TNRC18: variants seen among roughly 807,000 people sequenced by gnomAD.
TNRC18 encodes the protein trinucleotide repeat-containing gene 18 protein.
Under a neutral mutation model 226.7 loss-of-function variants are expected in TNRC18, and 69 were observed. The ratio of observed to expected loss-of-function variants is 0.30; its 90% CI spans 0.25 to 0.37. The LOEUF is 0.37. Ranked by LOEUF, TNRC18 falls within the 10% of genes least tolerant of loss-of-function variation. The pLI is 1.00. For missense variants in TNRC18, 4,754 were observed against 4,256.6 expected, an observed-to-expected ratio of 1.12 and a Z score of -3.25; for synonymous variants, 2,449 against 1,927.6, an observed-to-expected ratio of 1.27 and a Z score of -7.09.
In TNRC18 at chr7:5,378,020, G is replaced by A. The variant is rs777162412; in HGVS notation, c.2157C>T (p.His719=). 24 of 1,608,970 alleles carry A rather than the reference G, an allele frequency of 1.5e-5. No homozygotes were observed. The highest frequency in any genetic ancestry group is 8.8e-5 in the South Asian group (8 of 90,970). The part of the protein sequence containing the change: ...RSLSLSNVKG[H]GRADEDCVDD... ...CCACACAGTCCTCATCTGCTCGGCC[G>A]TGCCCTGCAGGGGGCCAGGTGGAAG... The change falls in exon 6 of 30, where the codon CAC becomes CAT. Residue 719 remains histidine (H), a synonymous_variant. Transcript: ENST00000430969.
chr7:5,393,349 G>A (rs1012154317), intron 3 of TNRC18, among the ~76,000 whole-genome samples: 2 of 152,258 alleles, frequency 1.3e-5, no homozygotes, highest in Admixed American at 1.3e-4. Flanking sequence ...AGGAAGAGCA[G>A]ACTCGCTGAC....
At chr7:5,414,671 C>CA (rs1239683885) in intron 2 of TNRC18, among the ~76,000 whole-genome samples, 1 of 152,210 alleles carries the variant, frequency 6.6e-6, no homozygotes, top group East Asian at 1.9e-4. Context: ...CTCAGCCTCC[C>CA]AAAGTACTGG....
intron 3 of TNRC18, among the ~76,000 whole-genome samples, chr7:5,391,934 G>T (rs1298537188): frequency 6.6e-6 from 1 of 151,450 alleles, no homozygotes; most frequent in Non-Finnish European, 1.5e-5. Context: ...CTGGGTAAGG[G>T]TCCTGATTCT....
At position 5,309,243 on chromosome 7, in the gene TNRC18, G is replaced by A. The variant is rs372324334; in HGVS notation, c.8514C>T (p.Ile2838=). The change falls in exon 28 of 30, where the codon ATC becomes ATT. Residue 2838 remains isoleucine, a synonymous_variant. Coordinates refer to ENST00000430969, the MANE Select transcript of TNRC18 (RefSeq NM_001080495.3). The surrounding 1 kb of genome is among the most constrained non-coding windows in gnomAD (Gnocchi z 5.7). ...ACTCCCACATGCTCTGGATGCGGCC[G>A]ATGTAGGGCAGGTTGGGGCGGCCGG... The part of the protein sequence containing the change: ...LSAGRPNLPY[I]GRIQSMWESW... The A allele has an allele frequency of 2.4e-5, 38 of 1,613,752 alleles. No individual in the cohort carries two copies. The highest frequency in any genetic ancestry group is 1.5e-4 in the African/African-American group (11 of 74,936).
chr7:5,367,227 T>G (rs1793705871), intron 11 of TNRC18, among the ~76,000 whole-genome samples: 1 of 151,880 alleles, frequency 6.6e-6, no homozygotes, highest in Non-Finnish European at 1.5e-5. Flanking sequence ...TAGCTGGATG[T>G]GGTAGCATGT....
rs903214902 is a variant in TNRC18 at position 5,324,027 on chromosome 7, G to A, written c.6442+187C>T. ...GGGCCGCTCTCTTGCCTCATCTGCA[G>A]TTGACTAAGCTGCAGCCAGTCCAGC... On this transcript the variant is annotated intron_variant, in intron 21 of 29. Transcript: ENST00000430969. This position sits in a 1 kb window ranked among gnomAD's most constrained non-coding sequence, Gnocchi z 4.8. 5.9e-5 allele frequency among the ~76,000 whole-genome samples: 9 copies of A among 152,232 alleles called. No individual in the cohort carries two copies. The highest frequency in any genetic ancestry group is 1.3e-4 in the Non-Finnish European group (9 of 68,046).
At chr7:5,344,303 G>A (rs1177075620) in intron 18 of TNRC18, among the ~76,000 whole-genome samples, 9 of 152,196 alleles carry the variant, frequency 5.9e-5, no homozygotes, top group Non-Finnish European at 1.0e-4. Context: ...CCATTTGGAG[G>A]TTCTGGGCAG....
chr7:5,389,028 G>T lies in TNRC18; in HGVS notation c.796C>A (p.Leu266Met). The part of the protein sequence containing the change: ...PRLAERLSPF[L>M]AESKTKNAAL... ...GCATTCTTGGTCTTGGACTCAGCCAGGAAGGGCGACAGGCGCTCAGCCAGG... is the reference window on the plus strand; with the variant it reads ...GCATTCTTGGTCTTGGACTCAGCCATGAAGGGCGACAGGCGCTCAGCCAGG... Residue 266 changes from leucine to methionine, a missense_variant, in exon 5 of 30, where the codon CTG becomes ATG. Physicochemically the swap from Leu to Met is conservative, Grantham distance 15. Coordinates refer to ENST00000430969, the MANE Select transcript of TNRC18 (RefSeq NM_001080495.3). The T allele has an allele frequency of 7.6e-7, 1 of 1,318,092 alleles. No homozygotes were observed. 81.6% of individuals were successfully genotyped at this position (1,318,092 alleles called of 1,614,324 possible). A position where few individuals can be genotyped will look rare whatever the true frequency, so the allele number is the denominator to read the frequency against.
rs769393393 is a variant in TNRC18, at chr7:5,376,258, G to A, written c.2609-34C>T. The A allele has an allele frequency of 8.4e-6, 12 of 1,425,350 alleles. No individual in the cohort carries two copies. The Middle Eastern group carries it at 5.5e-4, about 65-fold the overall frequency. 88.3% of individuals were successfully genotyped at this position (1,425,350 alleles called of 1,614,324 possible). A position where few individuals can be genotyped will look rare whatever the true frequency, so the allele number is the denominator to read the frequency against. On this transcript the variant is annotated intron_variant, in intron 8 of 29. Coordinates refer to ENST00000430969, the MANE Select transcript of TNRC18 (RefSeq NM_001080495.3). The stretch of plus-strand genomic sequence containing the variant: ...ACAGAGACAGTGCGCTGCACCTGCG[G>A]CCTGATGCTCCACCACCATGCCCAT...
intron 18 of TNRC18, among the ~76,000 whole-genome samples, chr7:5,333,345 T>A (rs1282255823): frequency 1.3e-5 from 2 of 152,096 alleles, no homozygotes; most frequent in African/African-American, 4.8e-5. Context: ...CTTGTGGAAA[T>A]CCCAGAAGCC....
At position 5,383,957 on chromosome 7, in the gene TNRC18, A is replaced by ATTTTTT. The variant is rs765430615; in HGVS notation, c.2152+3709_2152+3714dup. On this transcript the variant is annotated intron_variant, in intron 5 of 29. Transcript: ENST00000430969. ...ACAGGCACACCAGCATACCCGGGTG[A>ATTTTTT]TTTTTTTTTTTTTTTTTTTTTTTTT... is the stretch of plus-strand genomic sequence containing the variant. Among the ~76,000 whole-genome samples the ATTTTTT allele has an allele frequency of 1.8e-3, 144 of 78,794 alleles. 12 individuals carry two copies. Among genetic ancestry groups the ATTTTTT allele is most frequent in the African/African-American group, 2.1e-3 (39 of 18,850 alleles). The allele number at this position is 78,794 out of a possible 152,430, so 51.7% of individuals were successfully genotyped here.
At chr7:5,362,522 G>T in intron 12 of TNRC18, 128 bp downstream of exon 12, 1 of 873,278 alleles carries the variant, frequency 1.1e-6, no homozygotes, top group Non-Finnish European at 1.7e-6. Flanking sequence ...AGCACAAGGA[G>T]CTGAACGTAG....
In TNRC18 at chr7:5,370,642, C is replaced by T. The variant is rs547812685; in HGVS notation, c.3952G>A (p.Gly1318Ser). The change falls in exon 11 of 30, where the codon GGC becomes AGC. Residue 1318 changes from glycine to serine, a missense_variant. Gly to Ser is a moderately conservative substitution (Grantham distance 56). Coordinates refer to ENST00000430969, the MANE Select transcript of TNRC18 (RefSeq NM_001080495.3). ...LEPQEAVPVL[G>S]STCFLEEASS... ...GCCTCTTCCAGGAAGCAGGTGCTGC[C>T]GAGTACAGGCACGGCCTCTTGGGGC... 9.9e-6 allele frequency: 16 copies of T among 1,612,920 alleles called. No homozygotes were observed. The highest frequency in any genetic ancestry group is 5.3e-5 in the African/African-American group (4 of 75,044).
intron 5 of TNRC18, among the ~76,000 whole-genome samples, chr7:5,387,465 G>C (rs556847827): frequency 1.3e-5 from 2 of 152,212 alleles, no homozygotes; most frequent in East Asian, 1.9e-4. Context: ...ACAAAACATC[G>C]GAGAAGGAAC....
intron 27 of TNRC18, among the ~76,000 whole-genome samples, chr7:5,311,215 C>T (rs1362601709): frequency 6.8e-6 from 1 of 146,620 alleles, no homozygotes; most frequent in Non-Finnish European, 1.5e-5. Context: ...TGTGCATGTG[C>T]CCATGCTTTT....
rs754233336 is a variant in TNRC18 at position 5,361,627 on chromosome 7, C to CG, written c.4627dup (p.Arg1543ProfsTer10). 39 of 1,544,998 alleles carry CG rather than the reference C, an allele frequency of 2.5e-5. No individual in the cohort carries two copies. Among genetic ancestry groups the CG allele is most frequent in the Middle Eastern group, 3.9e-4 (2 of 5,076 alleles). On this transcript the variant is annotated frameshift_variant, in exon 14 of 30. Coordinates refer to ENST00000430969, the MANE Select transcript of TNRC18 (RefSeq NM_001080495.3). LOFTEE classifies it high-confidence loss of function. ...ACTGTGGCCGCTCTTCCCTCTCTTG[C>CG]GGGGGGGCGACAGGGCGCTCGGGGC...
rs538406860 is a variant in TNRC18 at position 5,309,606 on chromosome 7, A to C, written c.8389-238T>G. Among the ~76,000 whole-genome samples the C allele has an allele frequency of 5.3e-4, 80 of 152,360 alleles. 1 individual carries two copies. Among genetic ancestry groups the C allele is most frequent in the African/African-American group, 1.9e-3 (77 of 41,598 alleles). On this transcript the variant is annotated intron_variant, in intron 27 of 29. Coordinates refer to ENST00000430969, the MANE Select transcript of TNRC18 (RefSeq NM_001080495.3). The surrounding 1 kb of genome is among the most constrained non-coding windows in gnomAD (Gnocchi z 5.7). ...TTGATCTAAGCATTCTGCCGCTACA[A>C]GACTTCTTATTTTTGAGACAGGGTC...
In TNRC18 at chr7:5,415,940, C is replaced by T. The variant is rs531036482; in HGVS notation, c.187+5120G>A. On this transcript the variant is annotated intron_variant, in intron 2 of 29. Coordinates refer to ENST00000430969, the MANE Select transcript of TNRC18 (RefSeq NM_001080495.3). ...TGGCCAACATGGCGAAACCCCATCT[C>T]TATTAAAAATACAAAAAAAAAAAAT... 2.4e-4 allele frequency among the ~76,000 whole-genome samples: 31 copies of T among 127,348 alleles called. 1 individual carries two copies. The South Asian group carries it at 7.7e-3, about 32-fold the overall frequency. 83.5% of individuals were successfully genotyped at this position (127,348 alleles called of 152,430 possible).
At position 5,359,585 on chromosome 7, in the gene TNRC18, A is replaced by G. The variant is rs751994461; in HGVS notation, c.4662-16T>C. 7.4e-6 allele frequency: 12 copies of G among 1,613,056 alleles called. No individual in the cohort carries two copies. The highest frequency in any genetic ancestry group is 1.7e-5 in the Admixed American group (1 of 60,018). ...GCTGCTCAGCCTGAAACGCAGACAC[A>G]CTGCCGGTCAGCACCCTGGCCAGAC... On this transcript the variant is annotated splice_polypyrimidine_tract_variant and intron_variant, in intron 14 of 29. Transcript: ENST00000430969.
Sources: gnomAD v4.1 joint callset for allele counts (sites outside exome capture counted in the v4.1 genomes callset) on GRCh38, gnomAD v4.1.1 for gene constraint, Gnocchi (gnomAD v3.1) non-coding constraint, MANE v1.5 for transcripts, NCBI Gene and HGNC (gene_info 2026-07-23, HGNC 2026-07-21) for gene names.